The following AP2A2 variants were observed in gnomAD, a reference collection of about 807,000 sequenced individuals.
AP2A2 encodes adaptor related protein complex 2 subunit alpha 2.
In AP2A2, 32 loss-of-function variants were observed where a neutral mutation model predicts 104.2. That is an observed-to-expected ratio of 0.31 (90% CI 0.23 to 0.41). The LOEUF (loss-of-function observed/expected upper bound fraction) is 0.41, where lower values mean the gene tolerates loss of function less well. AP2A2 is among the 10% of genes least tolerant of loss of function. AP2A2 has a pLI of 1.00. For missense variants in AP2A2, 912 were observed against 1,261.0 expected, an observed-to-expected ratio of 0.72 and a Z score of 4.19; for synonymous variants, 539 against 533.3, an observed-to-expected ratio of 1.01 and a Z score of -0.15.
At chr11:954,035 A>G (rs1383485610) in intron 1 of AP2A2, among the ~76,000 whole-genome samples, 1 of 152,040 alleles carries the variant, frequency 6.6e-6, no homozygotes, top group Non-Finnish European at 1.5e-5. Context: ...AGGTTTCACC[A>G]TGCTGGCCAG....
intron 2 of AP2A2, among the ~76,000 whole-genome samples, chr11:963,279 A>T (rs914904153): frequency 2.0e-5 from 3 of 152,012 alleles, no homozygotes; most frequent in African/African-American, 7.2e-5. Context: ...TACAAGAATT[A>T]GCTGGGCATG....
chr11:972,194 G>A lies in AP2A2; in HGVS notation c.412G>A (p.Val138Met), dbSNP rs781186303. ...CCTGGCCCTGCACTGCATCGCCAGCGTGGGCAGCCGGGAGATGGCCGAGGC... is the reference window on the plus strand; with the variant it reads ...CCTGGCCCTGCACTGCATCGCCAGCATGGGCAGCCGGGAGATGGCCGAGGC... ...MGLALHCIAS[V>M]GSREMAEAFA... is the part of the protein sequence containing the mutation. The change falls in exon 4 of 22, where the codon GTG becomes ATG. Residue 138 changes from valine to methionine, a missense_variant. Coordinates refer to ENST00000448903, the MANE Select transcript of AP2A2 (RefSeq NM_012305.4). The A allele has an allele frequency of 1.2e-6, 2 of 1,611,870 alleles. No homozygotes were observed. Among genetic ancestry groups the A allele is most frequent in the African/African-American group, 1.3e-5 (1 of 74,928 alleles).
intron 3 of AP2A2, among the ~76,000 whole-genome samples, 172 bp downstream of exon 3, chr11:970,483 C>T (rs924890213): frequency 5.9e-5 from 9 of 152,252 alleles, no homozygotes; most frequent in African/African-American, 2.2e-4. Flanking sequence ...CTGCTGCCAA[C>T]ACCCTGCGGG....
At position 994,241 on chromosome 11, in the gene AP2A2, C is replaced by T. The variant is rs1855764958; in HGVS notation, c.1952C>T (p.Ala651Val). 2 of 1,612,806 alleles carry T rather than the reference C, an allele frequency of 1.2e-6. No homozygotes were observed. Among genetic ancestry groups the T allele is most frequent in the Non-Finnish European group, 1.7e-6 (2 of 1,179,744 alleles). The change falls in exon 14 of 22, where the codon GCC becomes GTC. Residue 651 changes from alanine (A) to valine (V), a missense_variant. Coordinates refer to ENST00000448903, the MANE Select transcript of AP2A2 (RefSeq NM_012305.4). ...GAGCCTGCCCCAGCCAGTACCAGCG[C>T]CGTGGTGGGTCCCTCACCTACTGTG... ...GPEPAPASTS[A>V]VSTPSPSADL...
intron 1 of AP2A2, among the ~76,000 whole-genome samples, chr11:938,808 G>A (rs7396767): frequency 0.48 from 72,820 of 151,908 alleles, 18,369 homozygotes; most frequent in Middle Eastern, 0.65. Flanking sequence ...CTCCTTCTGT[G>A]CTTTCTAGTC....
At chr11:952,476 A>G (rs1312805987) in intron 1 of AP2A2, among the ~76,000 whole-genome samples, 5 of 152,202 alleles carry the variant, frequency 3.3e-5, no homozygotes, top group Non-Finnish European at 5.9e-5. Flanking sequence ...ATGGAATGCA[A>G]ATTGTAACTT....
chr11:985,692 C>T, intron 8 of AP2A2, 110 bp downstream of exon 8: 1 of 1,461,248 alleles, frequency 6.8e-7, no homozygotes, highest in Non-Finnish European at 9.3e-7. Flanking sequence ...CATGGGCCTC[C>T]CCTTCGTCCT....
intron 2 of AP2A2, among the ~76,000 whole-genome samples, chr11:966,017 T>C (rs1402113386): frequency 3.9e-5 from 6 of 152,160 alleles, no homozygotes. Context: ...ATTGTAAAAC[T>C]TGTAGAGATG....
intron 14 of AP2A2, among the ~76,000 whole-genome samples, chr11:999,873 G>A (rs1260935324): frequency 2.7e-5 from 4 of 148,154 alleles, no homozygotes; most frequent in Non-Finnish European, 4.4e-5. Flanking sequence ...GTGCGATCTC[G>A]GCTCACTGCA....
At chr11:966,906 C>T (rs554328820) in intron 2 of AP2A2, among the ~76,000 whole-genome samples, 5 of 152,264 alleles carry the variant, frequency 3.3e-5, no homozygotes, top group East Asian at 1.9e-4. Context: ...TGGTGGCTCA[C>T]GCCTGTAATC....
At chr11:930,260 C>G (rs1034278096) in intron 1 of AP2A2, among the ~76,000 whole-genome samples, 1 of 152,024 alleles carries the variant, frequency 6.6e-6, no homozygotes, top group Non-Finnish European at 1.5e-5. Flanking sequence ...CTCCTCTTAG[C>G]ATAGGCAGCA....
intron 4 of AP2A2, among the ~76,000 whole-genome samples, chr11:975,431 G>A (rs1052254861): frequency 2.0e-5 from 3 of 150,474 alleles, no homozygotes; most frequent in Non-Finnish European, 2.9e-5. Context: ...TGTGTGAGCC[G>A]ACGTCGGAGA....
At chr11:986,037 G>C (rs1855444229) in intron 8 of AP2A2, among the ~76,000 whole-genome samples, 1 of 152,256 alleles carries the variant, frequency 6.6e-6, no homozygotes, top group Admixed American at 6.5e-5. Context: ...ACAGCCTGGA[G>C]GGTCTGCCTC....
chr11:1,006,049 C>T lies in AP2A2; in HGVS notation c.2207-479C>T, dbSNP rs1054156071. ...TGCAACACCGATGCTGTGCTGGACG[C>T]GTGCCCAGCCGGGTCCCCTGACAGG... On this transcript the variant is annotated intron_variant, in intron 16 of 21. Coordinates refer to ENST00000448903, the MANE Select transcript of AP2A2 (RefSeq NM_012305.4). Among the ~76,000 whole-genome samples, 21 of 152,264 alleles carry T rather than the reference C, an allele frequency of 1.4e-4. 1 individual carries two copies. The highest frequency in any genetic ancestry group is 1.4e-3 in the Admixed American group (21 of 15,290).
chr11:938,037 TA>T (rs1037678937), intron 1 of AP2A2, among the ~76,000 whole-genome samples: 2 of 152,216 alleles, frequency 1.3e-5, no homozygotes, highest in South Asian at 2.1e-4. Flanking sequence ...CAGTCTCATT[TA>T]AAAACAAGAA....
chr11:1,002,268 A>G (rs1856052764), intron 15 of AP2A2, among the ~76,000 whole-genome samples: 1 of 152,192 alleles, frequency 6.6e-6, no homozygotes, highest in Admixed American at 6.5e-5. Flanking sequence ...CTGTGGGCGG[A>G]GCAGCGACCC....
At chr11:927,942 G>A (rs571005302) in intron 1 of AP2A2, among the ~76,000 whole-genome samples, 2 of 151,740 alleles carry the variant, frequency 1.3e-5, no homozygotes, top group Non-Finnish European at 2.9e-5. Flanking sequence ...CTAAGTGTGT[G>A]TATTATTTCT....
chr11:941,002 T>C, intron 1 of AP2A2: 2 of 444,536 alleles, frequency 4.5e-6, no homozygotes, highest in South Asian at 1.6e-5. Flanking sequence ...GGCCCCTTGC[T>C]CCACACTCCG....
At chr11:930,073 A>G (rs1853239132) in intron 1 of AP2A2, among the ~76,000 whole-genome samples, 1 of 137,950 alleles carries the variant, frequency 7.2e-6, no homozygotes, top group South Asian at 2.6e-4. Flanking sequence ...GTGAGCTGAG[A>G]TTGTGCCATT....
Sources: allele counts gnomAD v4.1 joint callset (sites outside exome capture counted in the v4.1 genomes callset), GRCh38; gene constraint gnomAD v4.1.1; transcripts MANE v1.5; gene names NCBI Gene and HGNC (gene_info 2026-07-23, HGNC 2026-07-21).